The following NCR1 variants were observed in gnomAD, a reference collection of about 807,000 sequenced individuals.
The protein encoded by NCR1 is natural cytotoxicity triggering receptor 1, also known as NK cell-activating receptor.
NCR1 carries 30 observed loss-of-function variants against 32.5 expected under a neutral mutation model. The observed-to-expected ratio is 0.92, with a 90% CI of 0.69 to 1.25. NCR1 has a LOEUF of 1.25. NCR1 is among the 50% of genes most tolerant of loss of function. The pLI is 0.00. For synonymous variants in NCR1, 169 were observed against 143.4 expected, an observed-to-expected ratio of 1.18 and a Z score of -1.28; for missense variants, 369 against 380.7, an observed-to-expected ratio of 0.97 and a Z score of 0.26.
At chr19:54,923,887 G>A in the NCR1 span, 3 of 1,610,432 alleles carry the variant, frequency 1.9e-6, no homozygotes, top group South Asian at 2.2e-5. Flanking sequence ...AGGGATCAGA[G>A]AACACAAATG....
intron 4 of NCR1, among the ~76,000 whole-genome samples, 191 bp downstream of exon 4, chr19:54,909,714 A>G (rs2067856331): frequency 6.6e-6 from 1 of 152,086 alleles, no homozygotes; most frequent in African/African-American, 2.4e-5. Flanking sequence ...AGGCGGGTGG[A>G]TCACAAGGTC....
chr19:54,900,192 C>T, the NCR1 span, among the ~76,000 whole-genome samples: 8 of 152,160 alleles, frequency 5.3e-5, no homozygotes, highest in Non-Finnish European at 7.3e-5. Flanking sequence ...ATTTCACTCA[C>T]GTCCGTGTGA....
the NCR1 span, chr19:54,934,788 C>A: frequency 1.4e-6 from 1 of 702,910 alleles, no homozygotes; most frequent in Non-Finnish European, 2.3e-6. The surrounding 1 kb of genome is among the most constrained non-coding windows in gnomAD (Gnocchi z 6.7). Context: ...CACCTCACTG[C>A]AGCCTCCGCC....
Position 54,906,323 on chromosome 19 carries a change from G to T in NCR1, c.59G>T (p.Ser20Ile). The part of the protein sequence containing the change: ...CVGLCLSQRI[S>I]AQQQTLPKPF... ...GGGCTGTGTCTGAGTCAGAGGATCA[G>T]CGCCCAGCAGCGTGAGTCCTTCCTT... Residue 20 changes from serine (S) to isoleucine (I), a missense_variant, in exon 2 of 7, where the codon AGC becomes ATC. By Grantham distance (142) the Ser-to-Ile change is moderately radical. Coordinates refer to ENST00000291890, the MANE Select transcript of NCR1 (RefSeq NM_004829.7). The T allele has an allele frequency of 6.2e-7, 1 of 1,613,876 alleles. No individual in the cohort carries two copies.
the NCR1 span, chr19:54,927,872 A>G: frequency 1.9e-6 from 2 of 1,039,044 alleles, no homozygotes; most frequent in South Asian, 1.3e-5. Flanking sequence ...CGGGTGGATC[A>G]CTTGAGGCCA....
chr19:54,912,200 G>A lies in NCR1; in HGVS notation c.715G>A (p.Glu239Lys), dbSNP rs1399411807. Residue 239 changes from glutamate (E) to lysine (K), a missense_variant, in exon 6 of 7, where the codon GAG (glutamate) becomes AAG (lysine). Transcript: ENST00000291890. ...DTWGTYLLTT[E>K]TGLQKDHALW... The stretch of plus-strand genomic sequence containing the variant: ...TTGGGGCACCTACCTTTTAACCACA[G>A]AGACGGGACTCCAGAAAGGTAAGTA... 2 of 1,613,994 alleles carry A rather than the reference G, an allele frequency of 1.2e-6. No individual in the cohort carries two copies. The highest frequency in any genetic ancestry group is 8.5e-7 in the Non-Finnish European group (1 of 1,179,922).
At chr19:54,907,939 T>TGG (rs1240282342) in intron 3 of NCR1, among the ~76,000 whole-genome samples, 23 of 152,326 alleles carry the variant, frequency 1.5e-4, no homozygotes, top group Admixed American at 2.6e-4. Flanking sequence ...CTTTGGACCT[T>TGG]GTTTGGAGGT....
At chr19:54,929,171 C>CCA in the NCR1 span, among the ~76,000 whole-genome samples, 19 of 151,996 alleles carry the variant, frequency 1.3e-4, no homozygotes, top group African/African-American at 4.6e-4. Flanking sequence ...GAGTTTGAGA[C>CCA]CAGTCTGGCT....
At chr19:54,899,862 G>A in the NCR1 span, among the ~76,000 whole-genome samples, 5 of 152,156 alleles carry the variant, frequency 3.3e-5, no homozygotes, top group Admixed American at 6.5e-5. Context: ...CTGCCTTCCC[G>A]AGTCCATGAC....
At chr19:54,904,668 G>A (rs1305117958), upstream of NCR1, among the ~76,000 whole-genome samples, 1 of 151,862 alleles carries the variant, frequency 6.6e-6, no homozygotes, top group Admixed American at 6.6e-5. Context: ...GAGTAGTTGG[G>A]ACTACAGGCA....
At chr19:54,920,022 G>A (rs592878), downstream of NCR1, among the ~76,000 whole-genome samples, 61,362 of 151,978 alleles carry the variant, frequency 0.4, 12,585 homozygotes, top group East Asian at 0.51. Flanking sequence ...AATTGCTACC[G>A]GCTAATGATT....
At chr19:54,933,562 G>T in the NCR1 span, 4 of 1,614,048 alleles carry the variant, frequency 2.5e-6, no homozygotes, top group Non-Finnish European at 3.4e-6. Context: ...ACCCAGCAGG[G>T]ACTTACACCA....
At chr19:54,910,202 C>G in intron 5 of NCR1, 137 bp downstream of exon 5, 2 of 783,034 alleles carry the variant, frequency 2.6e-6, no homozygotes, top group South Asian at 1.6e-5. Flanking sequence ...TTTGGGAGGC[C>G]GAGATGGTGC....
At chr19:54,907,025 GAC>G (rs2067667278) in intron 3 of NCR1, among the ~76,000 whole-genome samples, 1 of 152,108 alleles carries the variant, frequency 6.6e-6, no homozygotes, top group African/African-American at 2.4e-5. Context: ...GTTTCTCCAT[GAC>G]ACAGATTCTG....
chr19:54,929,664 G>A, the NCR1 span, among the ~76,000 whole-genome samples: 1 of 152,162 alleles, frequency 6.6e-6, no homozygotes, highest in Non-Finnish European at 1.5e-5. Flanking sequence ...GAAGCAGCAT[G>A]CTGCTGAAGT....
chr19:54,919,307 C>T (rs966925341), downstream of NCR1, among the ~76,000 whole-genome samples: 4 of 152,162 alleles, frequency 2.6e-5, no homozygotes, highest in African/African-American at 9.7e-5. Flanking sequence ...TCTGGCTGCG[C>T]TGTTATTTAT....
chr19:54,937,232 G>T, the NCR1 span, among the ~76,000 whole-genome samples: 3 of 146,326 alleles, frequency 2.1e-5, no homozygotes, highest in African/African-American at 5.0e-5. Flanking sequence ...AAAAAAAAAA[G>T]TCAAGAAGCA....
chr19:54,932,217 C>T, the NCR1 span, among the ~76,000 whole-genome samples: 1 of 151,960 alleles, frequency 6.6e-6, no homozygotes, highest in Admixed American at 6.6e-5. Context: ...CACTTAAGGC[C>T]AGGAGTTCAA....
At chr19:54,938,147 TGCTGTTTGA>T in the NCR1 span, 2 of 1,614,070 alleles carry the variant, frequency 1.2e-6, no homozygotes, top group Non-Finnish European at 1.7e-6. Flanking sequence ...AACTTGAGGT[TGCTGTTTGA>T]GCTGAAGAGA....
Sources: gnomAD v4.1 joint callset for allele counts (sites outside exome capture counted in the v4.1 genomes callset) on GRCh38, gnomAD v4.1.1 for gene constraint, Gnocchi (gnomAD v3.1) non-coding constraint, MANE v1.5 for transcripts, NCBI Gene and HGNC (gene_info 2026-07-23, HGNC 2026-07-21) for gene names.